Variants in PLEKHM3 observed in about 807,000 individuals in gnomAD.
PLEKHM3 encodes pleckstrin homology domain containing M3.
In PLEKHM3, 45 loss-of-function variants were observed where a neutral mutation model predicts 81.8. The ratio of observed to expected loss-of-function variants is 0.55; its 90% confidence interval spans 0.43 to 0.71. The LOEUF (loss-of-function observed/expected upper bound fraction) is 0.71, where lower values mean the gene tolerates loss of function less well. Among genes scored for constraint, PLEKHM3 ranks in the 30% least tolerant of loss-of-function variants. PLEKHM3 has a pLI of 0.00. For synonymous variants in PLEKHM3, 352 were observed against 356.4 expected (o/e 0.99, Z 0.14); for missense variants, 788 against 924.3 (o/e 0.85, Z 1.91).
intron 7 of PLEKHM3, among the ~76,000 whole-genome samples, chr2:207,860,275 A>T (rs1574343910): frequency 6.6e-6 from 1 of 151,532 alleles, no homozygotes; most frequent in Non-Finnish European, 1.5e-5. Context: ...CCGCATGTTT[A>T]CAAATAGTCT....
intron 7 of PLEKHM3, 70 bp downstream of exon 7, chr2:207,861,035 C>T: frequency 6.5e-7 from 1 of 1,541,980 alleles, no homozygotes; most frequent in South Asian, 1.2e-5. Flanking sequence ...TAAAAGTTGG[C>T]CTGATTTGGC....
At chr2:207,926,347 G>A (rs370974273) in intron 5 of PLEKHM3, among the ~76,000 whole-genome samples, 1 of 152,140 alleles carries the variant, frequency 6.6e-6, no homozygotes, top group East Asian at 1.9e-4. Flanking sequence ...TCCCTGTGAG[G>A]CCAAACAAAA....
chr2:207,912,046 C>T (rs1688825527), intron 5 of PLEKHM3, among the ~76,000 whole-genome samples: 1 of 152,206 alleles, frequency 6.6e-6, no homozygotes, highest in African/African-American at 2.4e-5. Context: ...ACATAGTCAA[C>T]AAGCACTTAC....
chr2:207,989,291 T>C (rs1691821791), intron 2 of PLEKHM3, among the ~76,000 whole-genome samples: 1 of 152,320 alleles, frequency 6.6e-6, no homozygotes, highest in South Asian at 2.1e-4. Flanking sequence ...CAGCATAAAG[T>C]ACTCAGAGCC....
chr2:208,017,519 G>A (rs1389605258), intron 1 of PLEKHM3, among the ~76,000 whole-genome samples: 1 of 152,316 alleles, frequency 6.6e-6, no homozygotes, highest in East Asian at 1.9e-4. Context: ...AGTGGCGCAA[G>A]TGTTGCATAA....
intron 7 of PLEKHM3, among the ~76,000 whole-genome samples, chr2:207,841,158 T>C (rs941139972): frequency 4.0e-5 from 6 of 151,786 alleles, no homozygotes; most frequent in African/African-American, 1.5e-4. Flanking sequence ...GAAAGTCCTT[T>C]CACACTTTAA....
chr2:207,891,120 C>CT (rs1314138431), intron 6 of PLEKHM3, among the ~76,000 whole-genome samples: 4 of 152,130 alleles, frequency 2.6e-5, no homozygotes, highest in Non-Finnish European at 4.4e-5. Context: ...AGGAAACACC[C>CT]TTTGTAACAT....
intron 1 of PLEKHM3, 51 bp from the exon 2 acceptor site, chr2:208,002,008 C>T (rs1373065570): frequency 2.0e-5 from 5 of 248,010 alleles, no homozygotes; most frequent in Non-Finnish European, 3.1e-5. Flanking sequence ...TTGTATTCTA[C>T]AGTACACAAG....
intron 6 of PLEKHM3, among the ~76,000 whole-genome samples, chr2:207,881,410 A>G (rs2092590620): frequency 6.6e-6 from 1 of 152,136 alleles, no homozygotes; most frequent in South Asian, 2.1e-4. Context: ...TCCGCAAGGT[A>G]TTGATCCCAT....
intron 1 of PLEKHM3, among the ~76,000 whole-genome samples, chr2:208,016,695 A>ACACACACACACACACACACC (rs1559285588): frequency 6.8e-6 from 1 of 147,812 alleles, no homozygotes; most frequent in Non-Finnish European, 1.5e-5. Flanking sequence ...ACACACACAC[A>ACACACACACACACACACACC]CCCTGGTTTC....
At chr2:207,985,712 C>T (rs555877742) in intron 2 of PLEKHM3, among the ~76,000 whole-genome samples, 4 of 151,942 alleles carry the variant, frequency 2.6e-5, no homozygotes, top group Admixed American at 6.6e-5. Flanking sequence ...TGGCCGGGTG[C>T]GGTGTGGCTC....
At chr2:207,920,591 TA>T (rs1574406955) in intron 5 of PLEKHM3, among the ~76,000 whole-genome samples, 1 of 151,708 alleles carries the variant, frequency 6.6e-6, no homozygotes, top group East Asian at 1.9e-4. Flanking sequence ...AAAAAAAATG[TA>T]GAATGATTTC....
chr2:207,887,606 CT>C (rs763063232), intron 6 of PLEKHM3, among the ~76,000 whole-genome samples: 3 of 152,200 alleles, frequency 2.0e-5, no homozygotes, highest in Non-Finnish European at 4.4e-5. Context: ...TAAGGGAGGA[CT>C]TACTCATCAG....
chr2:207,828,384 G>A lies in PLEKHM3; in HGVS notation c.2221C>T (p.Leu741=). Residue 741 remains leucine, a synonymous_variant, in exon 8 of 8, where the codon CTG becomes TTG. Transcript: ENST00000427836. ...QKKQKSFWQR[L]NMDESLEEAC... ...TCCTCTAGACTCTCGTCCATGTTCA[G>A]TCTCTGCCAGAAAGACTTCTGCTTC... is the stretch of plus-strand genomic sequence containing the variant. The A allele has an allele frequency of 6.2e-7, 1 of 1,614,110 alleles. No individual in the cohort carries two copies. The highest frequency in any genetic ancestry group is 1.1e-5 in the South Asian group (1 of 91,072).
chr2:207,954,561 T>C (rs1574439677), intron 3 of PLEKHM3, among the ~76,000 whole-genome samples: 2 of 152,196 alleles, frequency 1.3e-5, no homozygotes, highest in South Asian at 4.1e-4. Flanking sequence ...TATTAGTAGA[T>C]TATACTTGCA....
intron 3 of PLEKHM3, among the ~76,000 whole-genome samples, chr2:207,968,777 C>T (rs971736569): frequency 2.6e-5 from 4 of 152,214 alleles, no homozygotes; most frequent in African/African-American, 9.6e-5. Context: ...ACACAAATAC[C>T]TAGGGATTTC....
chr2:207,946,562 C>A, intron 3 of PLEKHM3, 50 bp from the exon 4 acceptor site: 6 of 1,592,772 alleles, frequency 3.8e-6, no homozygotes, highest in Non-Finnish European at 4.3e-6. Flanking sequence ...ACTTTTAACA[C>A]TACAGAACAA....
chr2:207,926,401 C>T (rs866252476), intron 5 of PLEKHM3, among the ~76,000 whole-genome samples: 2 of 152,144 alleles, frequency 1.3e-5, no homozygotes, highest in Non-Finnish European at 2.9e-5. Context: ...CACATTCTAC[C>T]GTGCCTGTGT....
In PLEKHM3 at chr2:207,886,215, T is replaced by A. The variant is rs141827121; in HGVS notation, c.1950+22299A>T. On this transcript the variant is annotated intron_variant, in intron 6 of 7. Coordinates refer to ENST00000427836, the MANE Select transcript of PLEKHM3 (RefSeq NM_001080475.3). ...TATATGTGATATTATTAAAATCTGG[T>A]GAAAACTCCATCCCAGATGAGCCCC... 4.7e-3 allele frequency among the ~76,000 whole-genome samples: 719 copies of A among 152,238 alleles called. 7 individuals carry two copies. The highest frequency in any genetic ancestry group is 0.016 in the African/African-American group (672 of 41,522).
Sources: gnomAD v4.1 joint callset for allele counts (sites outside exome capture counted in the v4.1 genomes callset) on GRCh38, gnomAD v4.1.1 for gene constraint, MANE v1.5 for transcripts, NCBI Gene and HGNC (gene_info 2026-07-23, HGNC 2026-07-21) for gene names.